The following NDUFB5 variants were observed in gnomAD, a reference collection of about 807,000 sequenced individuals.
NDUFB5 encodes the protein NADH dehydrogenase [ubiquinone] 1 beta subcomplex subunit 5, mitochondrial.
NDUFB5 carries 19 observed loss-of-function variants against 19.4 expected under a neutral mutation model. That is an observed-to-expected ratio of 0.98 (90% CI 0.68 to 1.43). The LOEUF (loss-of-function observed/expected upper bound fraction) is 1.43, where lower values mean the gene tolerates loss of function less well. Among genes scored for constraint, NDUFB5 ranks in the 40% most tolerant of loss-of-function variants. The probability of loss-of-function intolerance (pLI) is 0.00; values close to 1 mark genes in which losing one functional copy is unlikely to be tolerated. For missense variants in NDUFB5, 233 were observed against 236.5 expected (o/e 0.99, Z 0.10); for synonymous variants, 80 against 82.6 (o/e 0.97, Z 0.17).
intron 5 of NDUFB5, among the ~76,000 whole-genome samples, chr3:179,619,342 C>T (rs1719466737): frequency 6.6e-6 from 1 of 151,102 alleles, no homozygotes; most frequent in Admixed American, 6.6e-5. Flanking sequence ...TAATGCTATC[C>T]CTCCCCCCTC....
chr3:179,618,590 A>C, intron 5 of NDUFB5, 69 bp downstream of exon 5: 1 of 1,022,924 alleles, frequency 9.8e-7, no homozygotes, highest in Non-Finnish European at 1.5e-6. Context: ...GAAAAAATTA[A>C]TAAAACTATG....
rs759839977 is a variant in NDUFB5 at position 179,617,018 on chromosome 3, G to A, written c.316G>A (p.Val106Ile). ...ACTAGCAGAAATTCCAGAAGGCTAT[G>A]TCCCAGAACACTGGGAATATTATAA... ...AELAEIPEGYVPEHWEYYKHP... is the reference protein window; with the variant it reads ...AELAEIPEGYIPEHWEYYKHP... Residue 106 changes from valine to isoleucine, a missense_variant, in exon 4 of 6, where the codon GTC becomes ATC. By Grantham distance (29) the Val-to-Ile change is conservative. Transcript: ENST00000259037. 6.2e-6 allele frequency: 10 copies of A among 1,612,700 alleles called. No homozygotes were observed. The highest frequency in any genetic ancestry group is 6.8e-6 in the Non-Finnish European group (8 of 1,178,994).
Position 179,624,572 on chromosome 3 carries a change from T to TCCACACACACACACAC in NDUFB5, c.*532_*533insCCACACACACACACAC. ...AACTACACACAGACACACAGACACG[T>TCCACACACACACACAC]ACACACACACACACACACACACACA... On this transcript the variant is annotated 3_prime_UTR_variant, in exon 6 of 6. Transcript: ENST00000259037. The TCCACACACACACACAC allele has an allele frequency of 7.8e-6, 1 of 128,398 alleles. No individual in the cohort carries two copies. Among genetic ancestry groups the TCCACACACACACACAC allele is most frequent in the Admixed American group, 7.8e-5 (1 of 12,812 alleles). 8.0% of individuals were successfully genotyped at this position (128,398 alleles called of 1,614,324 possible).
At chr3:179,606,176 AATGCT>A (rs1285748729) in intron 1 of NDUFB5, among the ~76,000 whole-genome samples, 7 of 152,194 alleles carry the variant, frequency 4.6e-5, no homozygotes, top group African/African-American at 1.7e-4. Context: ...GCAAAGATCA[AATGCT>A]TGATATTCAG....
At chr3:179,612,794 C>A (rs1195280357) in intron 1 of NDUFB5, among the ~76,000 whole-genome samples, 1 of 152,154 alleles carries the variant, frequency 6.6e-6, no homozygotes, top group African/African-American at 2.4e-5. Flanking sequence ...CAATTACTTT[C>A]AGTTGCAAAA....
intron 4 of NDUFB5, chr3:179,617,263 A>G: frequency 8.4e-6 from 3 of 355,656 alleles, no homozygotes; most frequent in Non-Finnish European, 1.5e-5. Flanking sequence ...TCAGTCTCCC[A>G]CGTCGCTGGG....
At chr3:179,610,663 C>T (rs1486570190) in intron 1 of NDUFB5, among the ~76,000 whole-genome samples, 1 of 152,190 alleles carries the variant, frequency 6.6e-6, no homozygotes, top group Non-Finnish European at 1.5e-5. Flanking sequence ...TCCTAAAGAT[C>T]TAGTGCTGTC....
intron 2 of NDUFB5, 111 bp from the exon 3 acceptor site, chr3:179,615,872 A>G (rs1719363281): frequency 2.3e-6 from 2 of 871,784 alleles, no homozygotes; most frequent in Non-Finnish European, 3.6e-6. Flanking sequence ...TGTATGCCCA[A>G]TTTGGCAAGT....
chr3:179,620,472 G>A (rs148016498), intron 5 of NDUFB5, among the ~76,000 whole-genome samples: 2,158 of 152,124 alleles, frequency 0.014, 47 homozygotes, highest in African/African-American at 0.049. Flanking sequence ...CCCATTTCTT[G>A]TTTTCGTCAA....
chr3:179,612,449 A>G (rs1353281396), intron 1 of NDUFB5, among the ~76,000 whole-genome samples: 1 of 151,098 alleles, frequency 6.6e-6, no homozygotes, highest in Non-Finnish European at 1.5e-5. Context: ...AAGAGCAAGC[A>G]GTTCACATTA....
At chr3:179,616,638 TA>T (rs980079075) in intron 3 of NDUFB5, among the ~76,000 whole-genome samples, 3 of 152,178 alleles carry the variant, frequency 2.0e-5, no homozygotes, top group African/African-American at 7.2e-5. Context: ...AAAGTACTTC[TA>T]ACACCTTGAA....
chr3:179,615,100 A>G, intron 2 of NDUFB5, 41 bp downstream of exon 2: 2 of 1,350,006 alleles, frequency 1.5e-6, no homozygotes, highest in Non-Finnish European at 2.1e-6. Flanking sequence ...CTTTGCATGT[A>G]ACAGGGAAAA....
chr3:179,613,899 G>T (rs1454324603), intron 1 of NDUFB5, among the ~76,000 whole-genome samples: 1 of 152,144 alleles, frequency 6.6e-6, no homozygotes, highest in Non-Finnish European at 1.5e-5. Flanking sequence ...AAAAATGTTG[G>T]CATCTTGGAA....
At chr3:179,619,461 T>C (rs1378844019) in intron 5 of NDUFB5, among the ~76,000 whole-genome samples, 1 of 152,114 alleles carries the variant, frequency 6.6e-6, no homozygotes, top group Non-Finnish European at 1.5e-5. Context: ...TTTGGTTTTT[T>C]GTCCTTGCGA....
In NDUFB5 at chr3:179,624,222, A is replaced by G; in HGVS notation, c.*182A>G. On this transcript the variant is annotated 3_prime_UTR_variant, in exon 6 of 6. Transcript: ENST00000259037. ...GCTTCCAGTCCCCAAAGAAGGTTTA[A>G]AATGTACTAATAAAAACTGGAGAAA... 2.2e-6 allele frequency: 1 copy of G among 454,196 alleles called. No homozygotes were observed. The highest frequency in any genetic ancestry group is 3.7e-6 in the Non-Finnish European group (1 of 266,706). 28.1% of individuals were successfully genotyped at this position (454,196 alleles called of 1,614,324 possible). A position where few individuals can be genotyped will look rare whatever the true frequency, so the allele number is the denominator to read the frequency against.
At chr3:179,613,022 C>A (rs1236258286) in intron 1 of NDUFB5, among the ~76,000 whole-genome samples, 2 of 152,190 alleles carry the variant, frequency 1.3e-5, no homozygotes, top group South Asian at 2.1e-4. Flanking sequence ...GAGTTCCAGG[C>A]GGAACTTCCA....
chr3:179,620,095 T>G (rs1719494195), intron 5 of NDUFB5, among the ~76,000 whole-genome samples: 1 of 152,244 alleles, frequency 6.6e-6, no homozygotes, highest in Admixed American at 6.5e-5. Flanking sequence ...ATTCTGGATA[T>G]TAGCCCTTTG....
intron 1 of NDUFB5, chr3:179,607,939 T>C: frequency 1.6e-6 from 1 of 620,996 alleles, no homozygotes; most frequent in Non-Finnish European, 2.9e-6. Flanking sequence ...ATTGTATGTA[T>C]TTACCCCATT....
At chr3:179,616,312 G>A (rs1287448689) in intron 3 of NDUFB5, among the ~76,000 whole-genome samples, 1 of 152,164 alleles carries the variant, frequency 6.6e-6, no homozygotes, top group Non-Finnish European at 1.5e-5. Context: ...GGAGGCCGAG[G>A]CGGGCAGATC....
Sources: gnomAD v4.1 joint callset for allele counts (sites outside exome capture counted in the v4.1 genomes callset) on GRCh38, gnomAD v4.1.1 for gene constraint, MANE v1.5 for transcripts, NCBI Gene and HGNC (gene_info 2026-07-23, HGNC 2026-07-21) for gene names.